The following GRXCR1 variants were observed in gnomAD, a reference collection of about 807,000 sequenced individuals.
GRXCR1 encodes the protein glutaredoxin domain-containing cysteine-rich protein 1.
A neutral mutation model predicts 27.3 loss-of-function variants in GRXCR1; 27 were observed. That is an observed-to-expected ratio of 0.99 (90% confidence interval 0.73 to 1.37). The LOEUF (loss-of-function observed/expected upper bound fraction) is 1.37. GRXCR1 is among the 40% of genes most tolerant of loss of function. The pLI is 0.00. For synonymous variants in GRXCR1, 122 were observed against 131.1 expected, an observed-to-expected ratio of 0.93 and a Z score of 0.47; for missense variants, 379 against 354.4, an observed-to-expected ratio of 1.07 and a Z score of -0.56.
intron 1 of GRXCR1, among the ~76,000 whole-genome samples, chr4:42,930,041 T>C (rs1012954186): frequency 2.0e-5 from 3 of 151,992 alleles, no homozygotes; most frequent in Non-Finnish European, 2.9e-5. Flanking sequence ...CTTTTGGCTC[T>C]CAGTAGATTC....
chr4:43,018,509 T>C (rs1405315221), intron 2 of GRXCR1, among the ~76,000 whole-genome samples: 1 of 152,206 alleles, frequency 6.6e-6, no homozygotes, highest in East Asian at 1.9e-4. Context: ...GAGTTGTTTG[T>C]ATTTAAGAAT....
chr4:42,937,415 A>G (rs1747486656), intron 1 of GRXCR1, among the ~76,000 whole-genome samples: 1 of 151,844 alleles, frequency 6.6e-6, no homozygotes, highest in Non-Finnish European at 1.5e-5. Context: ...GGAAAATGGT[A>G]TTAGCAATAT....
At chr4:42,901,861 T>C (rs1348280557) in intron 1 of GRXCR1, among the ~76,000 whole-genome samples, 5 of 152,172 alleles carry the variant, frequency 3.3e-5, no homozygotes, top group African/African-American at 1.2e-4. Flanking sequence ...GTCTTGACCA[T>C]GTGACTTCCT....
At chr4:42,968,157 G>A (rs1021237336) in intron 2 of GRXCR1, among the ~76,000 whole-genome samples, 8 of 151,982 alleles carry the variant, frequency 5.3e-5, no homozygotes, top group Non-Finnish European at 1.2e-4. Flanking sequence ...CGACTCTCAA[G>A]TCTGTTTCCT....
intron 2 of GRXCR1, among the ~76,000 whole-genome samples, chr4:42,967,725 C>T (rs1294971522): frequency 6.6e-6 from 1 of 151,656 alleles, no homozygotes; most frequent in Non-Finnish European, 1.5e-5. Flanking sequence ...TTTTTTATAC[C>T]TATACATATT....
At chr4:42,943,367 T>C (rs781206198) in intron 1 of GRXCR1, among the ~76,000 whole-genome samples, 1 of 152,064 alleles carries the variant, frequency 6.6e-6, no homozygotes, top group Non-Finnish European at 1.5e-5. Context: ...AGTTTAGTGG[T>C]CCTGGGAAAG....
At chr4:42,907,096 G>C (rs1746613354) in intron 1 of GRXCR1, among the ~76,000 whole-genome samples, 1 of 152,144 alleles carries the variant, frequency 6.6e-6, no homozygotes, top group Non-Finnish European at 1.5e-5. Context: ...AGCGAAACAA[G>C]GTAGTCATCT....
At chr4:42,961,621 C>T (rs542264431) in intron 1 of GRXCR1, among the ~76,000 whole-genome samples, 2 of 152,086 alleles carry the variant, frequency 1.3e-5, no homozygotes, top group South Asian at 4.1e-4. Context: ...CTTAATTCCT[C>T]CAGGCCTCTG....
chr4:42,988,227 A>T (rs1026155958), intron 2 of GRXCR1, among the ~76,000 whole-genome samples: 1 of 152,212 alleles, frequency 6.6e-6, no homozygotes, highest in African/African-American at 2.4e-5. Flanking sequence ...CCCTGGAGAA[A>T]ATAGGCAAGA....
chr4:42,991,345 A>G (rs1383104521), intron 2 of GRXCR1, among the ~76,000 whole-genome samples: 1 of 151,956 alleles, frequency 6.6e-6, no homozygotes, highest in Admixed American at 6.6e-5. Context: ...ATTGTCTTAA[A>G]CAAAATTTTT....
chr4:42,990,443 G>A (rs34889185), intron 2 of GRXCR1, among the ~76,000 whole-genome samples: 7,218 of 151,314 alleles, frequency 0.048, 216 homozygotes, highest in African/African-American at 0.079. Context: ...TGCCCGCCTC[G>A]GCCTCCCAAA....
At chr4:42,927,893 T>C (rs1747210017) in intron 1 of GRXCR1, among the ~76,000 whole-genome samples, 3 of 151,908 alleles carry the variant, frequency 2.0e-5, no homozygotes. Flanking sequence ...AGGAAGCCCC[T>C]GTAGGAGAGT....
chr4:42,900,280 A>C (rs1577897278), intron 1 of GRXCR1, among the ~76,000 whole-genome samples: 1 of 152,258 alleles, frequency 6.6e-6, no homozygotes, highest in East Asian at 1.9e-4. Flanking sequence ...AGGGCATTTT[A>C]TTTACGTGCA....
chr4:42,943,982 G>C (rs1471918593), intron 1 of GRXCR1, among the ~76,000 whole-genome samples: 2 of 151,970 alleles, frequency 1.3e-5, no homozygotes, highest in Non-Finnish European at 2.9e-5. Flanking sequence ...CTGTATTCTA[G>C]GTATCAGTGA....
At chr4:43,020,720 G>A (rs1409548971) in intron 3 of GRXCR1, among the ~76,000 whole-genome samples, 2 of 152,116 alleles carry the variant, frequency 1.3e-5, no homozygotes, top group African/African-American at 4.8e-5. Flanking sequence ...TGGTCTTGAT[G>A]CACATTAAAA....
chr4:42,947,814 A>G (rs1488974082), intron 1 of GRXCR1, among the ~76,000 whole-genome samples: 2 of 152,188 alleles, frequency 1.3e-5, no homozygotes, highest in Non-Finnish European at 2.9e-5. Context: ...GTTTGAATAT[A>G]CAATCAATAA....
intron 1 of GRXCR1, among the ~76,000 whole-genome samples, chr4:42,938,259 CT>C (rs1220962849): frequency 2.0e-5 from 3 of 151,966 alleles, no homozygotes; most frequent in Admixed American, 2.0e-4. Flanking sequence ...GGATCTCATT[CT>C]TTTTTATGGC....
chr4:42,970,147 C>A (rs1278065727), intron 2 of GRXCR1, among the ~76,000 whole-genome samples: 1 of 152,172 alleles, frequency 6.6e-6, no homozygotes, highest in African/African-American at 2.4e-5. Flanking sequence ...ATGCCTTGGG[C>A]AGTTCTGCCT....
chr4:42,978,735 C>T lies in GRXCR1; in HGVS notation c.627+15601C>T, dbSNP rs1384645372. ...AGCAATTTCAGCATGTAAGATTAAA[C>T]TGCTTGCAAACAGAGACAATGACAT... On this transcript the variant is annotated intron_variant, in intron 2 of 3. Transcript: ENST00000399770. 2.0e-5 allele frequency among the ~76,000 whole-genome samples: 3 copies of T among 152,008 alleles called. No homozygotes were observed. In the South Asian group the frequency reaches 6.2e-4, roughly 32 times the overall value.
Sources: gnomAD v4.1 joint callset for allele counts (sites outside exome capture counted in the v4.1 genomes callset) on GRCh38, gnomAD v4.1.1 for gene constraint, MANE v1.5 for transcripts, NCBI Gene and HGNC (gene_info 2026-07-23, HGNC 2026-07-21) for gene names.